The following MGST2 variants were observed in gnomAD, a reference collection of about 807,000 sequenced individuals.
MGST2 encodes microsomal glutathione S-transferase 2, also known as glutathione peroxidase MGST2.
Under a neutral mutation model 16.6 loss-of-function variants are expected in MGST2, and 9 were observed. That is an observed-to-expected ratio of 0.54 (90% CI 0.33 to 0.95). The LOEUF is 0.95. Among genes scored for constraint, MGST2 ranks in the 40% least tolerant of loss-of-function variants. The probability of loss-of-function intolerance (pLI) is 0.03; values close to 1 mark genes in which losing one functional copy is unlikely to be tolerated. For missense variants in MGST2, 159 were observed against 175.1 expected (o/e 0.91, Z 0.52); for synonymous variants, 79 against 68.0 (o/e 1.16, Z -0.79).
At chr4:139,719,714 G>T in intron 5 of MGST2, 1 of 1,613,674 alleles carries the variant, frequency 6.2e-7, no homozygotes, top group Non-Finnish European at 8.5e-7. Context: ...ATCCACGACT[G>T]ACTGGCTCAG....
intron 1 of MGST2, among the ~76,000 whole-genome samples, chr4:139,667,306 C>A (rs1456437578): frequency 6.6e-6 from 1 of 152,136 alleles, no homozygotes; most frequent in South Asian, 2.1e-4. Flanking sequence ...CCTAATTTAG[C>A]AGGTCTAAGG....
downstream of MGST2, among the ~76,000 whole-genome samples, chr4:139,707,157 C>T (rs940401727): frequency 4.6e-5 from 7 of 152,110 alleles, no homozygotes; most frequent in South Asian, 8.3e-4. Flanking sequence ...CCCATTAACT[C>T]GTCATTTAGC....
Position 139,739,679 on chromosome 4 carries a change from G to GTTTCTTTT in MGST2, c.*49-530_*49-529insCTTTTTTT, listed in dbSNP as rs200037455. Among the ~76,000 whole-genome samples, 10 of 132,358 alleles carry GTTTCTTTT rather than the reference G, an allele frequency of 7.6e-5. 1 individual carries two copies. The highest frequency in any genetic ancestry group is 5.7e-5 in the African/African-American group (2 of 35,302). 86.8% of individuals were successfully genotyped at this position (132,358 alleles called of 152,430 possible). ...TTAAGAAAGGCAGGGGAGGAAAGCAGTTTTTTTTTTTTTTTCTTTTATGTC... is the reference window on the plus strand; with the variant it reads ...TTAAGAAAGGCAGGGGAGGAAAGCAGTTTCTTTTTTTTTTTTTTTTTTTCTTTTATGTC... On this transcript the variant is annotated intron_variant, in intron 5 of 5. Coordinates refer to the MGST2 transcript ENST00000616265.
At chr4:139,726,736 A>C (rs1208745919) in intron 5 of MGST2, among the ~76,000 whole-genome samples, 2 of 152,228 alleles carry the variant, frequency 1.3e-5, no homozygotes, top group African/African-American at 4.8e-5. Flanking sequence ...TTCCACATAT[A>C]CCAGCAGACC....
At chr4:139,741,330 C>T (rs571917563), downstream of MGST2, among the ~76,000 whole-genome samples, 2 of 152,270 alleles carry the variant, frequency 1.3e-5, no homozygotes, top group East Asian at 3.9e-4. Context: ...ACCACCTGAC[C>T]CTGGGCCTTG....
At chr4:139,688,300 G>A (rs1726363126) in intron 2 of MGST2, among the ~76,000 whole-genome samples, 1 of 152,138 alleles carries the variant, frequency 6.6e-6, no homozygotes, top group Non-Finnish European at 1.5e-5. Context: ...GAGTCTAGAT[G>A]TATATCTAGT....
chr4:139,726,123 T>A (rs1286960409), intron 5 of MGST2, among the ~76,000 whole-genome samples: 2 of 152,218 alleles, frequency 1.3e-5, no homozygotes, highest in Non-Finnish European at 1.5e-5. Context: ...TGGGCATCAC[T>A]GTCCTAACTT....
chr4:139,739,040 C>A (rs1289164343), intron 5 of MGST2, among the ~76,000 whole-genome samples: 2 of 152,144 alleles, frequency 1.3e-5, no homozygotes, highest in Non-Finnish European at 2.9e-5. Flanking sequence ...CCTTTGGGAC[C>A]AAGACTATGA....
intron 5 of MGST2, chr4:139,717,106 CTT>C (rs1228835961): frequency 6.6e-6 from 1 of 152,394 alleles, no homozygotes; most frequent in Non-Finnish European, 1.5e-5. Flanking sequence ...ATTGTAAAAA[CTT>C]ATGTACAAAT....
Position 139,678,506 on chromosome 4 carries a change from G to GC in MGST2, c.59-33dup, listed in dbSNP as rs769030025. The GC allele has an allele frequency of 3.4e-6, 5 of 1,482,378 alleles. No homozygotes were observed. The East Asian group carries it at 9.1e-5, about 27-fold the overall frequency. 91.8% of individuals were successfully genotyped at this position (1,482,378 alleles called of 1,614,324 possible). ...GCATTCCACTAATGACTAATGACGT[G>GC]CCCCATCTTTAACGCAACATTTCCC... On this transcript the variant is annotated intron_variant, in intron 1 of 4. Transcript: ENST00000265498.
chr4:139,670,890 G>A (rs1730652693), intron 1 of MGST2, among the ~76,000 whole-genome samples: 1 of 149,362 alleles, frequency 6.7e-6, no homozygotes. Context: ...CTGGGTGAGA[G>A]TGAGACCCTA....
intron 5 of MGST2, among the ~76,000 whole-genome samples, chr4:139,737,156 G>A (rs1038660819): frequency 2.0e-5 from 3 of 152,068 alleles, no homozygotes; most frequent in Non-Finnish European, 4.4e-5. Flanking sequence ...CAAGTCCCTC[G>A]TGTAATAAGG....
rs888648194 is a variant in MGST2 at position 139,727,128 on chromosome 4, G to A, written c.*49-13084G>A. Among the ~76,000 whole-genome samples the A allele has an allele frequency of 6.6e-5, 10 of 152,008 alleles. No individual in the cohort carries two copies. The South Asian group carries it at 2.1e-3, about 31-fold the overall frequency. ...ATTTTTTCTCTTGTGTTTGTTCCTGGGCTGCTCTATAATTTTCTTTTCTTT... is the reference window on the plus strand; with the variant it reads ...ATTTTTTCTCTTGTGTTTGTTCCTGAGCTGCTCTATAATTTTCTTTTCTTT... On this transcript the variant is annotated intron_variant, in intron 5 of 5. Transcript: ENST00000616265.
chr4:139,677,386 A>T (rs1185747663), intron 1 of MGST2, among the ~76,000 whole-genome samples: 3 of 152,246 alleles, frequency 2.0e-5, no homozygotes, highest in African/African-American at 7.2e-5. Context: ...GTAAGGCAGG[A>T]CAAATCAAAG....
At chr4:139,679,517 C>T (rs1027435067) in intron 2 of MGST2, among the ~76,000 whole-genome samples, 1 of 151,740 alleles carries the variant, frequency 6.6e-6, no homozygotes, top group Non-Finnish European at 1.5e-5. Flanking sequence ...TTAAAATAAT[C>T]TGGGCCTAAT....
intron 1 of MGST2, among the ~76,000 whole-genome samples, chr4:139,673,929 C>T (rs932179048): frequency 6.6e-6 from 1 of 152,098 alleles, no homozygotes; most frequent in African/African-American, 2.4e-5. Flanking sequence ...GGAGGTTATA[C>T]CTTGGTTTGG....
intron 5 of MGST2, among the ~76,000 whole-genome samples, chr4:139,725,376 G>A (rs770486295): frequency 1.3e-5 from 2 of 152,158 alleles, no homozygotes; most frequent in Admixed American, 6.5e-5. Context: ...CTAAGATGAC[G>A]ATCTAAACAT....
chr4:139,730,925 GGACT>G (rs1367459222), intron 5 of MGST2: 5 of 542,672 alleles, frequency 9.2e-6, no homozygotes, highest in Non-Finnish European at 1.7e-5. Context: ...GTTTCGGATG[GGACT>G]GACTATTGCA....
chr4:139,673,212 G>A (rs1275546240), intron 1 of MGST2, among the ~76,000 whole-genome samples: 1 of 152,156 alleles, frequency 6.6e-6, no homozygotes, highest in Admixed American at 6.5e-5. Context: ...AATAAATAAT[G>A]TGAAGCGAAA....
Sources: gnomAD v4.1 joint callset for allele counts (sites outside exome capture counted in the v4.1 genomes callset) on GRCh38, gnomAD v4.1.1 for gene constraint, MANE v1.5 for transcripts, NCBI Gene and HGNC (gene_info 2026-07-23, HGNC 2026-07-21) for gene names.